The following FAH variants were observed in gnomAD, a reference collection of about 807,000 sequenced individuals.
The protein encoded by FAH is fumarylacetoacetate hydrolase.
Under a neutral mutation model 55.8 loss-of-function variants are expected in FAH, and 47 were observed. The ratio of observed to expected loss-of-function variants is 0.84; its 90% CI spans 0.67 to 1.07. FAH has a LOEUF of 1.07. Among genes scored for constraint, FAH ranks in the 50% least tolerant of loss-of-function variants. FAH has a pLI of 0.00. For synonymous variants in FAH, 199 were observed against 207.7 expected (o/e 0.96, Z 0.36); for missense variants, 495 against 545.9 (o/e 0.91, Z 0.93).
chr15:80,168,974 T>A (rs1286360003), intron 7 of FAH, among the ~76,000 whole-genome samples: 1 of 152,178 alleles, frequency 6.6e-6, no homozygotes. Flanking sequence ...TATAGTTAGG[T>A]TTTGATTAGT....
chr15:80,185,695 T>C (rs988221610), intron 13 of FAH, among the ~76,000 whole-genome samples: 1 of 152,116 alleles, frequency 6.6e-6, no homozygotes, highest in Non-Finnish European at 1.5e-5. Context: ...AGAAACCGCT[T>C]ATAAAAACAT....
At chr15:80,158,217 T>C (rs1285717016) in intron 2 of FAH, 47 bp downstream of exon 2, 1 of 1,268,226 alleles carries the variant, frequency 7.9e-7, no homozygotes, top group African/African-American at 1.5e-5. Flanking sequence ...TGGCACTTAC[T>C]GTGGATGCCA....
chr15:80,172,447 T>C (rs1276779875), intron 8 of FAH, among the ~76,000 whole-genome samples, 199 bp downstream of exon 8: 1 of 133,982 alleles, frequency 7.5e-6, no homozygotes, highest in Admixed American at 7.6e-5. Flanking sequence ...GCTCCAATTT[T>C]CTCGAGTGGC....
chr15:80,178,686 C>A (rs557640565), intron 11 of FAH, among the ~76,000 whole-genome samples: 1 of 151,704 alleles, frequency 6.6e-6, no homozygotes, highest in African/African-American at 2.4e-5. Flanking sequence ...TGGGTTCATG[C>A]CATTCTCCTG....
chr15:80,158,264 G>T (rs1312239894), intron 2 of FAH, 94 bp downstream of exon 2: 14 of 930,620 alleles, frequency 1.5e-5, no homozygotes, highest in Non-Finnish European at 2.0e-5. Context: ...TTCCGATAGA[G>T]GTAATGCCAT....
At chr15:80,152,844 A>AC, upstream of FAH, 1 of 370,512 alleles carries the variant, frequency 2.7e-6, no homozygotes, top group South Asian at 2.1e-5. Context: ...GGGTCAGGGT[A>AC]GGGGGGAGGG....
intron 7 of FAH, among the ~76,000 whole-genome samples, chr15:80,171,000 C>T (rs1461435326): frequency 2.6e-5 from 4 of 151,914 alleles, no homozygotes; most frequent in Non-Finnish European, 5.9e-5. Context: ...GGGGTGTGCT[C>T]TCTCTGGTAC....
intron 8 of FAH, 59 bp from the exon 9 acceptor site, chr15:80,172,955 G>A: frequency 6.2e-7 from 1 of 1,613,112 alleles, no homozygotes; most frequent in Non-Finnish European, 8.5e-7. Context: ...GCAGGAGGGG[G>A]TCGTTGGGAG....
intron 5 of FAH, among the ~76,000 whole-genome samples, chr15:80,164,365 C>A (rs948907824): frequency 6.6e-6 from 1 of 152,174 alleles, no homozygotes; most frequent in African/African-American, 2.4e-5. Flanking sequence ...CTATAAGGAC[C>A]CTTGTGATTA....
chr15:80,173,415 G>A (rs560028556), intron 9 of FAH: 5 of 547,416 alleles, frequency 9.1e-6, no homozygotes, highest in Non-Finnish European at 1.6e-5. Flanking sequence ...AGACCCGGGG[G>A]ATCTGGCCAG....
intron 11 of FAH, among the ~76,000 whole-genome samples, chr15:80,179,830 GCC>G (rs1373752719): frequency 6.6e-6 from 1 of 152,198 alleles, no homozygotes; most frequent in African/African-American, 2.4e-5. Context: ...AGTAAGGTCA[GCC>G]CTTAGGGGAT....
At position 80,168,117 on chromosome 15, in the gene FAH, G is replaced by A. The variant is rs746385071; in HGVS notation, c.521G>A (p.Arg174Gln). 32 of 1,613,954 alleles carry A rather than the reference G, an allele frequency of 2.0e-5. No homozygotes were observed. Among genetic ancestry groups the A allele is most frequent in the South Asian group, 3.3e-5 (3 of 91,062 alleles). Residue 174 changes from arginine (R) to glutamine (Q), a missense_variant, in exon 6 of 14, where the codon CGA becomes CAA. Physicochemically the swap from Arg to Gln is conservative, Grantham distance 43. Transcript: ENST00000561421. ...GTCGTGGTGTCTGGCACCCCAATCC[G>A]AAGGCCCATGGGACAGATGAAACCT... The part of the protein sequence containing the change: ...SSVVVSGTPI[R>Q]RPMGQMKPDD...
At chr15:80,169,242 G>A (rs1421532240) in intron 7 of FAH, among the ~76,000 whole-genome samples, 1 of 152,034 alleles carries the variant, frequency 6.6e-6, no homozygotes, top group Non-Finnish European at 1.5e-5. Context: ...AATTAGCTGG[G>A]GATGGTGGTG....
At chr15:80,160,241 TG>T in intron 3 of FAH, 168 bp from the exon 4 acceptor site, 1 of 729,600 alleles carries the variant, frequency 1.4e-6, no homozygotes, top group Non-Finnish European at 2.5e-6. Flanking sequence ...CTTCAGTGGG[TG>T]GATGTCCTCT....
intron 13 of FAH, among the ~76,000 whole-genome samples, chr15:80,183,840 A>G (rs755607505): frequency 6.6e-6 from 1 of 152,196 alleles, no homozygotes; most frequent in Non-Finnish European, 1.5e-5. Context: ...AGGCCCAGAA[A>G]GATGCATACT....
Position 80,162,419 on chromosome 15 carries a change from GTTC to G in FAH, c.455+89_455+91del, listed in dbSNP as rs2041157355. On this transcript the variant is annotated intron_variant, in intron 5 of 13. Transcript: ENST00000561421. ...GCATATTTGTCTCAGGAGCTGCCAA[GTTC>G]TTCTTAAAGTAAACTGGGGAGGAAA... The G allele has an allele frequency of 1.8e-5, 22 of 1,222,804 alleles. 1 individual carries two copies. Among genetic ancestry groups the G allele is most frequent in the Middle Eastern group, 3.8e-4 (2 of 5,264 alleles). 75.7% of individuals were successfully genotyped at this position (1,222,804 alleles called of 1,614,324 possible).
intron 1 of FAH, among the ~76,000 whole-genome samples, chr15:80,155,716 A>T (rs1355333506): frequency 6.6e-6 from 1 of 151,984 alleles, no homozygotes; most frequent in Non-Finnish European, 1.5e-5. Context: ...CACACAAGAC[A>T]AGGGGGGCAG....
chr15:80,184,784 G>A (rs1001557820), intron 13 of FAH, among the ~76,000 whole-genome samples: 1 of 152,162 alleles, frequency 6.6e-6, no homozygotes, highest in Admixed American at 6.5e-5. Flanking sequence ...TGCATCTCGT[G>A]CCTGAGTGTC....
rs1409815966 is a variant in FAH at position 80,184,220 on chromosome 15, G to A, written c.1181-1910G>A. Reference sequence around the variant, plus strand: ...TCACTCTCCTTCAGATCTTTGATTTGTTGATAGTTATGATTTGTTGTGGAT... The same window carrying A: ...TCACTCTCCTTCAGATCTTTGATTTATTGATAGTTATGATTTGTTGTGGAT... On this transcript the variant is annotated intron_variant, in intron 13 of 13. Transcript: ENST00000561421. Among the ~76,000 whole-genome samples, 7 of 152,142 alleles carry A rather than the reference G, an allele frequency of 4.6e-5. No homozygotes were observed. In the South Asian group the frequency reaches 6.2e-4, roughly 13 times the overall value.
Sources: gnomAD v4.1 joint callset for allele counts (sites outside exome capture counted in the v4.1 genomes callset) on GRCh38, gnomAD v4.1.1 for gene constraint, MANE v1.5 for transcripts, NCBI Gene and HGNC (gene_info 2026-07-23, HGNC 2026-07-21) for gene names.